Variants in RSRC1 observed in about 807,000 individuals in gnomAD.
RSRC1 encodes serine/Arginine-related protein 53.
RSRC1 carries 39 observed loss-of-function variants against 49.1 expected under a neutral mutation model. That is an observed-to-expected ratio of 0.79 (90% confidence interval 0.61 to 1.04). RSRC1 has a LOEUF of 1.04. Ranked by LOEUF, RSRC1 falls within the 50% of genes least tolerant of loss-of-function variation. The pLI, the probability that RSRC1 is intolerant of heterozygous loss-of-function variation, is 0.00. For missense variants in RSRC1, 388 were observed against 402.4 expected (o/e 0.96, Z 0.31); for synonymous variants, 143 against 130.8 (o/e 1.09, Z -0.63).
chr3:158,338,795 G>A (rs1435668666), intron 5 of RSRC1, among the ~76,000 whole-genome samples: 1 of 152,168 alleles, frequency 6.6e-6, no homozygotes, highest in African/African-American at 2.4e-5. Context: ...AGGCTTAGAT[G>A]TTGTGAGCTG....
intron 3 of RSRC1, among the ~76,000 whole-genome samples, chr3:158,178,782 G>A (rs987617457): frequency 1.1e-4 from 17 of 152,284 alleles, no homozygotes; most frequent in African/African-American, 2.9e-4. Context: ...ATGAGAAGGA[G>A]TGTCTTTCTG....
At chr3:158,498,935 A>G (rs190584475) in intron 7 of RSRC1, among the ~76,000 whole-genome samples, 1 of 152,182 alleles carries the variant, frequency 6.6e-6, no homozygotes, top group African/African-American at 2.4e-5. Context: ...CTATGTGCCT[A>G]TTTTTATACC....
At chr3:158,522,055 G>A (rs573629779) in intron 7 of RSRC1, among the ~76,000 whole-genome samples, 30 of 152,018 alleles carry the variant, frequency 2.0e-4, no homozygotes, top group African/African-American at 6.5e-4. Context: ...CAGCTGAAAA[G>A]TTTGCTACTC....
chr3:158,451,933 C>T (rs888464820), intron 6 of RSRC1, among the ~76,000 whole-genome samples: 3 of 152,020 alleles, frequency 2.0e-5, no homozygotes, highest in African/African-American at 7.2e-5. Flanking sequence ...TCAAGAGAAA[C>T]TCACTAGATA....
chr3:158,402,379 T>G (rs1156744649), intron 6 of RSRC1, among the ~76,000 whole-genome samples: 1 of 151,826 alleles, frequency 6.6e-6, no homozygotes, highest in East Asian at 1.9e-4. Flanking sequence ...ATACTGGCAA[T>G]GATCTGAAGA....
intron 3 of RSRC1, among the ~76,000 whole-genome samples, chr3:158,127,262 ACT>A (rs1449540537): frequency 6.6e-6 from 1 of 151,554 alleles, no homozygotes; most frequent in Non-Finnish European, 1.5e-5. Flanking sequence ...TCCACAGTAA[ACT>A]CTCTGTTTCT....
intron 5 of RSRC1, among the ~76,000 whole-genome samples, chr3:158,330,047 T>C (rs1411562978): frequency 1.3e-5 from 2 of 152,198 alleles, no homozygotes; most frequent in Non-Finnish European, 2.9e-5. Context: ...CGCAGGATAT[T>C]ATCTCCTGGT....
chr3:158,153,114 C>A (rs1363155449), intron 3 of RSRC1, among the ~76,000 whole-genome samples: 1 of 152,158 alleles, frequency 6.6e-6, no homozygotes, highest in Non-Finnish European at 1.5e-5. Flanking sequence ...TTTAAAGCAA[C>A]TTTCTCCCTA....
chr3:158,113,013 A>T (rs1447188583), intron 1 of RSRC1, among the ~76,000 whole-genome samples: 1 of 152,172 alleles, frequency 6.6e-6, no homozygotes, highest in East Asian at 1.9e-4. Context: ...TGTGATGTAT[A>T]TGTACCACAT....
At chr3:158,258,673 A>C (rs932980077) in intron 4 of RSRC1, among the ~76,000 whole-genome samples, 1 of 152,086 alleles carries the variant, frequency 6.6e-6, no homozygotes, top group Non-Finnish European at 1.5e-5. Flanking sequence ...TAAGGCCAAT[A>C]ACGCTTAGAT....
At chr3:158,387,969 A>G (rs942137056) in intron 6 of RSRC1, among the ~76,000 whole-genome samples, 2 of 152,134 alleles carry the variant, frequency 1.3e-5, no homozygotes. Flanking sequence ...ACAGAAGCAT[A>G]ATCTATCATT....
At chr3:158,374,612 G>C (rs1304202665) in intron 6 of RSRC1, among the ~76,000 whole-genome samples, 1 of 152,078 alleles carries the variant, frequency 6.6e-6, no homozygotes, top group Non-Finnish European at 1.5e-5. Flanking sequence ...TATCTGTACA[G>C]TACATTTAAT....
chr3:158,241,281 C>T (rs1042534039), intron 4 of RSRC1, among the ~76,000 whole-genome samples: 3 of 146,700 alleles, frequency 2.0e-5, no homozygotes, highest in Non-Finnish European at 1.5e-5. Context: ...AACCCCAGCT[C>T]TACTAAAAAT....
chr3:158,269,717 T>C (rs1182647542), intron 4 of RSRC1, among the ~76,000 whole-genome samples: 1 of 152,192 alleles, frequency 6.6e-6, no homozygotes, highest in Non-Finnish European at 1.5e-5. Context: ...TTCACCATGT[T>C]GGCCAGGATG....
intron 6 of RSRC1, among the ~76,000 whole-genome samples, chr3:158,378,645 A>G (rs12638258): frequency 0.12 from 18,068 of 152,274 alleles, 1,324 homozygotes; most frequent in Middle Eastern, 0.19. Context: ...TCAGCTGTCA[A>G]GAGACTTAGG....
chr3:158,529,013 G>A (rs920081097), intron 7 of RSRC1, among the ~76,000 whole-genome samples: 2 of 151,146 alleles, frequency 1.3e-5, no homozygotes, highest in Non-Finnish European at 3.0e-5. Context: ...AGGCTTAAGG[G>A]AAAAAAATGC....
At position 158,514,936 on chromosome 3, in the gene RSRC1, C is replaced by A. The variant is rs550841832; in HGVS notation, c.653-22156C>A. ...TCTGTTTTATCAGAGAGTAGGATTGCAACCCCTACCTTTTTTTGTTTTCCA... is the reference window on the plus strand; with the variant it reads ...TCTGTTTTATCAGAGAGTAGGATTGAAACCCCTACCTTTTTTTGTTTTCCA... On this transcript the variant is annotated intron_variant, in intron 7 of 9. Coordinates refer to ENST00000611884, the MANE Select transcript of RSRC1 (RefSeq NM_001271838.2). Among the ~76,000 whole-genome samples the A allele has an allele frequency of 6.6e-5, 10 of 152,122 alleles. No individual in the cohort carries two copies. The East Asian group carries it at 1.7e-3, about 26-fold the overall frequency.
At chr3:158,510,500 AT>A (rs1051571866) in intron 7 of RSRC1, among the ~76,000 whole-genome samples, 9 of 151,526 alleles carry the variant, frequency 5.9e-5, no homozygotes, top group East Asian at 1.9e-4. Flanking sequence ...TCCACCTGGA[AT>A]TTTTTTTTAA....
rs375771256 is a variant in RSRC1 at position 158,385,569 on chromosome 3, A to G, written c.583+30661A>G. On this transcript the variant is annotated intron_variant, in intron 6 of 9. Transcript: ENST00000611884. Reference sequence around the variant, plus strand: ...CAACTCAGTTATAAAAAGGAATGGTATCAACCCTGAGTAATAAAGTCCTTT... The same window carrying G: ...CAACTCAGTTATAAAAAGGAATGGTGTCAACCCTGAGTAATAAAGTCCTTT... 1.8e-4 allele frequency among the ~76,000 whole-genome samples: 27 copies of G among 152,336 alleles called. 1 individual carries two copies. In the East Asian group the frequency reaches 3.5e-3, roughly 20 times the overall value.
Sources: allele counts gnomAD v4.1 joint callset (sites outside exome capture counted in the v4.1 genomes callset), GRCh38; gene constraint gnomAD v4.1.1; transcripts MANE v1.5; gene names NCBI Gene and HGNC (gene_info 2026-07-23, HGNC 2026-07-21).